The following CALD1 variants were observed in gnomAD, a reference collection of about 807,000 sequenced individuals.
CALD1 encodes the protein caldesmon.
CALD1 carries 33 observed loss-of-function variants against 99.9 expected under a neutral mutation model. The ratio of observed to expected loss-of-function variants is 0.33; its 90% CI spans 0.25 to 0.44. The LOEUF (loss-of-function observed/expected upper bound fraction) is 0.44. Among genes scored for constraint, CALD1 ranks in the 20% least tolerant of loss-of-function variants. CALD1 has a pLI of 1.00. For synonymous variants in CALD1, 310 were observed against 325.0 expected, an observed-to-expected ratio of 0.95 and a Z score of 0.50; for missense variants, 861 against 962.1, an observed-to-expected ratio of 0.89 and a Z score of 1.39.
At chr7:134,724,899 G>A in the CALD1 span, among the ~76,000 whole-genome samples, 1 of 152,182 alleles carries the variant, frequency 6.6e-6, no homozygotes, top group East Asian at 1.9e-4. Context: ...CACACCCAGG[G>A]GGACATCAGT....
intron 1 of CALD1, among the ~76,000 whole-genome samples, chr7:134,801,636 T>C (rs1405720096): frequency 6.6e-6 from 1 of 152,174 alleles, no homozygotes; most frequent in African/African-American, 2.4e-5. Context: ...TCTCTCTTTT[T>C]TGAAACAGGG....
At chr7:134,898,524 A>C (rs963807060) in intron 3 of CALD1, among the ~76,000 whole-genome samples, 1 of 152,028 alleles carries the variant, frequency 6.6e-6, no homozygotes, top group African/African-American at 2.4e-5. Context: ...AAACTCAGCC[A>C]AGTTATCCTG....
At chr7:134,787,482 T>C (rs1036489024) in intron 1 of CALD1, among the ~76,000 whole-genome samples, 2 of 152,296 alleles carry the variant, frequency 1.3e-5, no homozygotes, top group Admixed American at 6.5e-5. Context: ...TTCCACTTTG[T>C]GGTGAGGATG....
intron 1 of CALD1, among the ~76,000 whole-genome samples, chr7:134,838,924 C>A (rs1270218832): frequency 6.6e-6 from 1 of 152,098 alleles, no homozygotes; most frequent in African/African-American, 2.4e-5. Context: ...TAAAAATAAT[C>A]TTTTTAATGA....
chr7:134,887,593 T>C (rs1021279215), intron 3 of CALD1, among the ~76,000 whole-genome samples: 2 of 151,890 alleles, frequency 1.3e-5, no homozygotes, highest in Admixed American at 1.3e-4. Context: ...TGTGTGCATG[T>C]GTGCGTATGC....
At chr7:134,876,982 A>C (rs1353172433) in intron 3 of CALD1, among the ~76,000 whole-genome samples, 3 of 152,200 alleles carry the variant, frequency 2.0e-5, no homozygotes, top group Non-Finnish European at 4.4e-5. Context: ...AGCTGGATTC[A>C]AAATGGTTGT....
rs1193538291 is a variant in CALD1, at chr7:134,933,614, C to T, written c.845C>T (p.Ala282Val). ...LEAEERERIK[A>V]EQDKKIADER... ...GCAGAAGAAAGAGAAAGAATTAAAG[C>T]CGAGCAAGACAAAAAGATAGCAGAT... Residue 282 changes from alanine to valine, a missense_variant, in exon 5 of 15, where the codon GCC becomes GTC. Around this residue, in one of 5 missense-constraint regions of CALD1, gnomAD observed 234 missense variants for 233.1 expected, o/e 1.00. Coordinates refer to ENST00000361675, the MANE Select transcript of CALD1 (RefSeq NM_033138.4). The T allele has an allele frequency of 1.9e-6, 3 of 1,611,928 alleles. No homozygotes were observed. Among genetic ancestry groups the T allele is most frequent in the East Asian group, 2.2e-5 (1 of 44,848 alleles).
At chr7:134,880,602 A>T (rs1801553303) in intron 3 of CALD1, among the ~76,000 whole-genome samples, 1 of 152,006 alleles carries the variant, frequency 6.6e-6, no homozygotes, top group Admixed American at 6.6e-5. Flanking sequence ...CTCTCATCAA[A>T]ACTGTTGTGT....
At chr7:134,876,393 T>G (rs1801354264) in intron 3 of CALD1, among the ~76,000 whole-genome samples, 1 of 152,222 alleles carries the variant, frequency 6.6e-6, no homozygotes, top group Admixed American at 6.5e-5. Flanking sequence ...CTATGGCTAT[T>G]GATTAGGAAA....
At chr7:134,913,950 AG>A (rs1210827344) in intron 3 of CALD1, among the ~76,000 whole-genome samples, 1 of 152,204 alleles carries the variant, frequency 6.6e-6, no homozygotes, top group Non-Finnish European at 1.5e-5. Flanking sequence ...GAAAGAAAAC[AG>A]GTATAGGAAC....
intron 9 of CALD1, among the ~76,000 whole-genome samples, chr7:134,956,091 AG>A (rs1462461495): frequency 6.9e-6 from 1 of 145,098 alleles, no homozygotes; most frequent in Non-Finnish European, 1.5e-5. Flanking sequence ...TATCCCATAA[AG>A]TCAGCACTAC....
chr7:134,955,735 T>G (rs1055058856), intron 9 of CALD1, among the ~76,000 whole-genome samples: 1 of 152,190 alleles, frequency 6.6e-6, no homozygotes, highest in African/African-American at 2.4e-5. Flanking sequence ...ACAATCACAT[T>G]GGGGGTTAGG....
intron 3 of CALD1, chr7:134,891,737 A>C: frequency 1.2e-6 from 1 of 850,630 alleles, no homozygotes; most frequent in Non-Finnish European, 1.7e-6. Flanking sequence ...AAAACAAACG[A>C]ATTGTTGTAA....
chr7:134,936,557 A>G (rs1188952656), intron 6 of CALD1, among the ~76,000 whole-genome samples: 1 of 152,248 alleles, frequency 6.6e-6, no homozygotes, highest in East Asian at 1.9e-4. Flanking sequence ...TTCTTCGCCT[A>G]TGAGACTGGT....
intron 1 of CALD1, among the ~76,000 whole-genome samples, chr7:134,820,750 G>T (rs1381403993): frequency 6.6e-6 from 1 of 152,080 alleles, no homozygotes; most frequent in Non-Finnish European, 1.5e-5. Context: ...CTGACATATT[G>T]GTCAAATATT....
chr7:134,712,279 G>A, the CALD1 span, among the ~76,000 whole-genome samples: 1 of 152,144 alleles, frequency 6.6e-6, no homozygotes, highest in East Asian at 1.9e-4. Context: ...TATCTCACTT[G>A]GAGGTCCAGC....
chr7:134,765,413 T>C (rs1796816777), intron 1 of CALD1, among the ~76,000 whole-genome samples: 1 of 152,200 alleles, frequency 6.6e-6, no homozygotes, highest in Admixed American at 6.5e-5. Context: ...AAATGAGTTT[T>C]TTTTAAAACC....
the CALD1 span, among the ~76,000 whole-genome samples, chr7:134,726,180 C>G: frequency 1.3e-5 from 2 of 151,272 alleles, no homozygotes; most frequent in East Asian, 3.9e-4. Flanking sequence ...CCAAAAATTA[C>G]CAGGCATGCA....
intron 1 of CALD1, among the ~76,000 whole-genome samples, chr7:134,820,962 G>T (rs1798751158): frequency 6.6e-6 from 1 of 151,984 alleles, no homozygotes. Flanking sequence ...GAGAGGGGAG[G>T]AGAAAAATGA....
Sources: allele counts gnomAD v4.1 joint callset (sites outside exome capture counted in the v4.1 genomes callset), GRCh38; gene constraint gnomAD v4.1.1; regional missense constraint gnomAD v4.1.1; transcripts MANE v1.5; gene names NCBI Gene and HGNC (gene_info 2026-07-23, HGNC 2026-07-21).